The following CSF2RB variants were observed in gnomAD, a reference collection of about 807,000 sequenced individuals.
CSF2RB encodes the protein cytokine receptor common subunit beta.
CSF2RB carries 22 observed loss-of-function variants against 67.2 expected under a neutral mutation model. The ratio of observed to expected loss-of-function variants is 0.33; its 90% CI spans 0.23 to 0.47. The LOEUF is 0.47. Among genes scored for constraint, CSF2RB ranks in the 20% least tolerant of loss-of-function variants. The pLI, the probability that CSF2RB is intolerant of heterozygous loss-of-function variation, is 1.00. For synonymous variants in CSF2RB, 507 were observed against 482.9 expected, an observed-to-expected ratio of 1.05 and a Z score of -0.65; for missense variants, 1,113 against 1,174.5, an observed-to-expected ratio of 0.95 and a Z score of 0.76.
Position 36,936,669 on chromosome 22 carries a change from A to G in CSF2RB, c.1568+17A>G. On this transcript the variant is annotated intron_variant, in intron 13 of 13. Transcript: ENST00000403662. ...GCTGGAGGGGTGAGTGGGCTCGTGG[A>G]TCACTCCTGACCTTTGGGGTTCATA... 2 of 1,597,258 alleles carry G rather than the reference A, an allele frequency of 1.3e-6. No individual in the cohort carries two copies. Among genetic ancestry groups the G allele is most frequent in the Non-Finnish European group, 1.7e-6 (2 of 1,166,776 alleles).
In CSF2RB at chr22:36,923,286, C is replaced by T; in HGVS notation, c.119C>T (p.Thr40Ile). The T allele has an allele frequency of 6.2e-7, 1 of 1,614,254 alleles. No individual in the cohort carries two copies. The highest frequency in any genetic ancestry group is 8.5e-7 in the Non-Finnish European group (1 of 1,180,048). ...ACCCTGCGCTGCTACAACGACTACA[C>T]CAGCCACATCACCTGCAGGTGGGCA... Reference protein sequence around the residue: ...LQTLRCYNDYTSHITCRWADT... With the variant: ...LQTLRCYNDYISHITCRWADT... The change falls in exon 3 of 14, where the codon ACC becomes ATC. Residue 40 changes from threonine (T) to isoleucine (I), a missense_variant. Thr to Ile is a moderately conservative substitution (Grantham distance 89, BLOSUM62 -1). Transcript: ENST00000403662.
chr22:36,928,356 C>T (rs1307521982), intron 4 of CSF2RB, among the ~76,000 whole-genome samples: 2 of 152,110 alleles, frequency 1.3e-5, no homozygotes, highest in African/African-American at 4.8e-5. Flanking sequence ...GAAGAGCTCC[C>T]CCTCCATGAC....
intron 4 of CSF2RB, among the ~76,000 whole-genome samples, chr22:36,927,866 G>T (rs1018908816): frequency 1.3e-5 from 2 of 152,198 alleles, no homozygotes; most frequent in African/African-American, 4.8e-5. Flanking sequence ...ATGGGGACAT[G>T]AGGGCATGCA....
chr22:36,922,645 C>A (rs1940905358), intron 2 of CSF2RB: 3 of 417,550 alleles, frequency 7.2e-6, no homozygotes, highest in Admixed American at 3.7e-5. Context: ...TCCTGCAGGG[C>A]CTTGGCTGGG....
At chr22:36,926,268 G>A (rs986050603) in intron 4 of CSF2RB, 91 bp downstream of exon 4, 1 of 1,322,646 alleles carries the variant, frequency 7.6e-7, no homozygotes, top group South Asian at 1.2e-5. Flanking sequence ...AAGGCAGAAG[G>A]CTGTGGCTTG....
intron 3 of CSF2RB, 27 bp downstream of exon 3, chr22:36,923,394 C>T (rs116757501): frequency 1.8e-5 from 29 of 1,610,464 alleles, no homozygotes; most frequent in East Asian, 9.0e-5. Flanking sequence ...GCAGGGGCCA[C>T]GGGCAGGGGC....
rs150488341 is a variant in CSF2RB at position 36,919,551 on chromosome 22, G to A, written c.-172-2485G>A. Reference sequence around the variant, plus strand: ...AGAATAGTTGGGATTACAGACGTGCGCCACCATGGCCAGCTATTTTTTTTT... The same window carrying A: ...AGAATAGTTGGGATTACAGACGTGCACCACCATGGCCAGCTATTTTTTTTT... On this transcript the variant is annotated intron_variant, in intron 1 of 13. Coordinates refer to ENST00000403662, the MANE Select transcript of CSF2RB (RefSeq NM_000395.3). Among the ~76,000 whole-genome samples the A allele has an allele frequency of 7.8e-4, 115 of 147,608 alleles. 1 individual carries two copies. The highest frequency in any genetic ancestry group is 2.5e-3 in the African/African-American group (99 of 40,106).
At chr22:36,936,196 G>A (rs1329025022) in intron 12 of CSF2RB, among the ~76,000 whole-genome samples, 4 of 152,278 alleles carry the variant, frequency 2.6e-5, no homozygotes, top group Admixed American at 1.3e-4. Context: ...AGACACCAGC[G>A]TGTGGGTGAT....
In CSF2RB at chr22:36,932,886, A is replaced by G. The variant is rs1941181145; in HGVS notation, c.1134A>G (p.Lys378=). Residue 378 remains lysine (K), a synonymous_variant, in exon 9 of 14, where the codon AAA becomes AAG. Coordinates refer to ENST00000403662, the MANE Select transcript of CSF2RB (RefSeq NM_000395.3). ...ACACATTTGAGATCCAGTACAGGAA[A>G]GACACGGCCACGTGGAAGGTGAGGG... is the stretch of plus-strand genomic sequence containing the variant. ...IDHTFEIQYR[K]DTATWKDSKT... 4 of 1,614,008 alleles carry G rather than the reference A, an allele frequency of 2.5e-6. No homozygotes were observed. The highest frequency in any genetic ancestry group is 1.7e-5 in the Admixed American group (1 of 60,014).
At chr22:36,932,585 C>T (rs572964552) in intron 8 of CSF2RB, among the ~76,000 whole-genome samples, 180 bp from the exon 9 acceptor site, 14 of 152,260 alleles carry the variant, frequency 9.2e-5, no homozygotes, top group South Asian at 4.1e-4. Flanking sequence ...GCATCTCCCA[C>T]GAGAATACCA....
intron 1 of CSF2RB, among the ~76,000 whole-genome samples, chr22:36,918,674 C>A (rs1940778981): frequency 6.6e-6 from 1 of 152,198 alleles, no homozygotes; most frequent in Non-Finnish European, 1.5e-5. Flanking sequence ...GTGAAGCTTT[C>A]CCCATTTGCT....
intron 4 of CSF2RB, among the ~76,000 whole-genome samples, chr22:36,926,868 T>C (rs988099592): frequency 6.6e-6 from 1 of 152,260 alleles, no homozygotes; most frequent in Non-Finnish European, 1.5e-5. Flanking sequence ...ACACGTTTTA[T>C]GAAAGTTTTC....
intron 4 of CSF2RB, among the ~76,000 whole-genome samples, chr22:36,927,659 G>C (rs1941049743): frequency 6.6e-6 from 1 of 152,196 alleles, no homozygotes; most frequent in Non-Finnish European, 1.5e-5. Context: ...GTCTCCTGCA[G>C]TCTCAGGTAG....
Position 36,923,231 on chromosome 22 carries a change from C to G in CSF2RB, c.77-13C>G. 2.5e-6 allele frequency: 4 copies of G among 1,614,158 alleles called. No individual in the cohort carries two copies. The highest frequency in any genetic ancestry group is 3.4e-6 in the Non-Finnish European group (4 of 1,180,012). On this transcript the variant is annotated splice_polypyrimidine_tract_variant and intron_variant, in intron 2 of 13. Transcript: ENST00000403662. Reference sequence around the variant, plus strand: ...AGGAAAGAGAGGTGACCCCCTTCTACCCCTCTTGTCAGAAACCATCCCGCT... The same window carrying G: ...AGGAAAGAGAGGTGACCCCCTTCTAGCCCTCTTGTCAGAAACCATCCCGCT...
At position 36,938,392 on chromosome 22, in the gene CSF2RB, G is replaced by A. The variant is rs1314614382; in HGVS notation, c.2584G>A (p.Gly862Ser). The A allele has an allele frequency of 1.2e-6, 2 of 1,614,196 alleles. No individual in the cohort carries two copies. Among genetic ancestry groups the A allele is most frequent in the Admixed American group, 3.3e-5 (2 of 60,026 alleles). The change falls in exon 14 of 14, where the codon GGC becomes AGC. Residue 862 changes from glycine to serine, a missense_variant. Physicochemically the swap from Gly to Ser is moderately conservative, Grantham distance 56. Coordinates refer to ENST00000403662, the MANE Select transcript of CSF2RB (RefSeq NM_000395.3). ...DQAFQVKKPP[G>S]QAVPQVPVIQ... ...GGCTTTTCAAGTCAAGAAGCCCCCA[G>A]GCCAGGCTGTGCCCCAGGTGCCCGT... is the stretch of plus-strand genomic sequence containing the variant.
At chr22:36,934,780 C>A (rs1941232527) in intron 10 of CSF2RB, among the ~76,000 whole-genome samples, 1 of 152,190 alleles carries the variant, frequency 6.6e-6, no homozygotes. Context: ...AAGTCCCCAG[C>A]CAGGCTTGGT....
intron 1 of CSF2RB, among the ~76,000 whole-genome samples, 194 bp downstream of exon 1, chr22:36,913,871 T>C (rs1940650074): frequency 6.6e-6 from 1 of 151,824 alleles, no homozygotes; most frequent in African/African-American, 2.4e-5. Flanking sequence ...GGCCAGTGGA[T>C]GGGGAGGCAG....
At position 36,930,393 on chromosome 22, in the gene CSF2RB, A is replaced by G; in HGVS notation, c.737A>G (p.Gln246Arg). Reference sequence around the variant, plus strand: ...AACCCAGGGGATGAGGCCCAGCCCCAGAACCTGGAGTGCTTCTTTGACGGG... The same window carrying G: ...AACCCAGGGGATGAGGCCCAGCCCCGGAACCTGGAGTGCTTCTTTGACGGG... ...DSQPGDEAQP[Q>R]NLECFFDGAA... The change falls in exon 7 of 14, where the codon CAG becomes CGG. Residue 246 changes from glutamine (Q) to arginine (R), a missense_variant. Gln to Arg is a conservative substitution (Grantham distance 43). Around this residue, in one of 2 missense-constraint regions of CSF2RB, gnomAD observed 559 missense variants for 656.5 expected, o/e 0.85. Coordinates refer to ENST00000403662, the MANE Select transcript of CSF2RB (RefSeq NM_000395.3). 1 of 1,613,602 alleles carries G rather than the reference A, an allele frequency of 6.2e-7. No individual in the cohort carries two copies. Among genetic ancestry groups the G allele is most frequent in the Non-Finnish European group, 8.5e-7 (1 of 1,180,016 alleles).
At chr22:36,923,652 T>C (rs1940936876) in intron 3 of CSF2RB, 1 of 1,389,244 alleles carries the variant, frequency 7.2e-7, no homozygotes, top group Admixed American at 2.2e-5. Context: ...TCATCACAAT[T>C]TAACACAATT....
Sources: allele counts gnomAD v4.1 joint callset (sites outside exome capture counted in the v4.1 genomes callset), GRCh38; gene constraint gnomAD v4.1.1; regional missense constraint gnomAD v4.1.1; transcripts MANE v1.5; gene names NCBI Gene and HGNC (gene_info 2026-07-23, HGNC 2026-07-21).